UBE4A: variants seen among roughly 807,000 people sequenced by gnomAD.
UBE4A encodes ubiquitin conjugation factor E4 A.
Under a neutral mutation model 117.9 loss-of-function variants are expected in UBE4A, and 48 were observed. The ratio of observed to expected loss-of-function variants is 0.41; its 90% confidence interval spans 0.32 to 0.52. The LOEUF (loss-of-function observed/expected upper bound fraction) is 0.52. UBE4A is among the 20% of genes least tolerant of loss of function. UBE4A has a pLI of 0.33. For missense variants in UBE4A, 1,067 were observed against 1,296.3 expected (o/e 0.82, Z 2.72); for synonymous variants, 407 against 450.0 (o/e 0.90, Z 1.21).
intron 11 of UBE4A, among the ~76,000 whole-genome samples, chr11:118,380,553 G>A (rs1429168110): frequency 6.6e-6 from 1 of 152,090 alleles, no homozygotes; most frequent in Non-Finnish European, 1.5e-5. Flanking sequence ...CTGTACTCCA[G>A]CCTGGGTGAC....
At position 118,389,829 on chromosome 11, in the gene UBE4A, G is replaced by A; in HGVS notation, c.2692G>A (p.Val898Ile). The change falls in exon 17 of 20, where the codon GTC becomes ATC. Residue 898 changes from valine to isoleucine, a missense_variant. By Grantham distance (29) the Val-to-Ile change is conservative. Around this residue, in one of 3 missense-constraint regions of UBE4A, gnomAD observed 1,001 missense variants for 1,184.0 expected, o/e 0.85. Transcript: ENST00000252108. ...LVGPKMGALKVKDFSEFDFKP... is the reference protein window; with the variant it reads ...LVGPKMGALKIKDFSEFDFKP... ...TGGCCCCAAGATGGGTGCCTTAAAA[G>A]TCAAGGACTTCAGCGAATTTGACTT... is the stretch of plus-strand genomic sequence containing the variant. 6.2e-7 allele frequency: 1 copy of A among 1,613,870 alleles called. No individual in the cohort carries two copies. The highest frequency in any genetic ancestry group is 2.2e-5 in the East Asian group (1 of 44,880).
At chr11:118,360,078 A>T (rs979824866) in intron 1 of UBE4A, among the ~76,000 whole-genome samples, 3 of 152,244 alleles carry the variant, frequency 2.0e-5, no homozygotes, top group South Asian at 2.1e-4. Flanking sequence ...TGCCAAGAAG[A>T]TAAGATTAAT....
At chr11:118,366,036 G>T in intron 2 of UBE4A, among the ~76,000 whole-genome samples, 1 of 149,444 alleles carries the variant, frequency 6.7e-6, no homozygotes. Context: ...AGAAGTGTTT[G>T]CATTTTCCCT....
intron 12 of UBE4A, 109 bp downstream of exon 12, chr11:118,381,632 G>A (rs1449337973): frequency 7.0e-7 from 1 of 1,434,190 alleles, no homozygotes; most frequent in Admixed American, 2.3e-5. Flanking sequence ...GCCTTCAGAA[G>A]TTATGGTAAC....
chr11:118,383,588 CAAAAAAAAAA>C (rs11375309), intron 13 of UBE4A, among the ~76,000 whole-genome samples: 4 of 54,222 alleles, frequency 7.4e-5, no homozygotes, highest in Non-Finnish European at 1.1e-4. Flanking sequence ...AAATCCCTCT[CAAAAAAAAAA>C]AAAAAAAAAA....
In UBE4A at chr11:118,390,668, A is replaced by G. The variant is rs148705593; in HGVS notation, c.2780A>G (p.Asn927Ser). 5 of 1,518,348 alleles carry G rather than the reference A, an allele frequency of 3.3e-6. No individual in the cohort carries two copies. The South Asian group carries it at 5.2e-5, about 16-fold the overall frequency. 94.1% of individuals were successfully genotyped at this position (1,518,348 alleles called of 1,614,324 possible). The change falls in exon 18 of 20, where the codon AAT becomes AGT. Residue 927 changes from asparagine (N) to serine (S), a missense_variant. Physicochemically the swap from Asn to Ser is conservative, Grantham distance 46. Around this residue, in one of 3 missense-constraint regions of UBE4A, gnomAD observed 1,001 missense variants for 1,184.0 expected, o/e 0.85. Coordinates refer to ENST00000252108, the MANE Select transcript of UBE4A (RefSeq NM_001204077.2). ...TGCTAATGTTCCAGGGATGAGGAGA[A>G]TTTCTGTGCCACTGTGCCCAAGGAT... Reference protein sequence around the residue: ...TIYLNLGDEENFCATVPKDGR... With the variant: ...TIYLNLGDEESFCATVPKDGR...
Position 118,371,552 on chromosome 11 carries a change from C to A in UBE4A, c.447C>A (p.Asn149Lys). Residue 149 changes from asparagine to lysine, a missense_variant, in exon 5 of 20, where the codon AAC (asparagine) becomes AAA (lysine). Asn to Lys is a moderately conservative substitution (Grantham distance 94). Coordinates refer to ENST00000252108, the MANE Select transcript of UBE4A (RefSeq NM_001204077.2). ...GCTTATTACTTCAAGATCCAGGCAA[C>A]CACTTAATTAACATGACTTCTTCTA... ...FARLLLQDPG[N>K]HLINMTSSTT... is the part of the protein sequence containing the mutation. The A allele has an allele frequency of 1.9e-6, 3 of 1,613,868 alleles. No homozygotes were observed. The highest frequency in any genetic ancestry group is 2.5e-6 in the Non-Finnish European group (3 of 1,179,926).
chr11:118,389,057 G>A (rs1002714189), intron 16 of UBE4A, among the ~76,000 whole-genome samples: 13 of 152,152 alleles, frequency 8.5e-5, no homozygotes, highest in Admixed American at 7.2e-4. Flanking sequence ...TTTGGAAGCC[G>A]AGGCAGGAGG....
Position 118,369,511 on chromosome 11 carries a change from G to C in UBE4A, c.384G>C (p.Trp128Cys). 1 of 1,614,066 alleles carries C rather than the reference G, an allele frequency of 6.2e-7. No individual in the cohort carries two copies. ...EMAVELEDQD[W>C]LDMSNVEQAL... ...CAGTAGAGCTAGAAGATCAAGACTG[G>C]CTTGATATGAGCAATGTTGAGCAGG... Residue 128 changes from tryptophan (W) to cysteine (C), a missense_variant, in exon 4 of 20, where the codon TGG becomes TGC. Physicochemically the swap from Trp to Cys is radical, Grantham distance 215. Transcript: ENST00000252108.
In UBE4A at chr11:118,397,308, T is replaced by C. The variant is rs1810992647; in HGVS notation, c.*868T>C. 6.6e-6 allele frequency: 1 copy of C among 152,196 alleles called. No individual in the cohort carries two copies. 9.4% of individuals were successfully genotyped at this position (152,196 alleles called of 1,614,324 possible). The stretch of plus-strand genomic sequence containing the variant: ...AATACACATACACCCCATGTGCTTT[T>C]TTGTTGGTTTAGTGTAAACTGAGTA... On this transcript the variant is annotated 3_prime_UTR_variant, in exon 20 of 20. Coordinates refer to ENST00000252108, the MANE Select transcript of UBE4A (RefSeq NM_001204077.2).
chr11:118,377,980 G>T (rs1555125677), intron 10 of UBE4A, among the ~76,000 whole-genome samples: 2 of 151,126 alleles, frequency 1.3e-5, no homozygotes, highest in Non-Finnish European at 2.9e-5. Context: ...GGGCGCAGTG[G>T]CTCATGCCTA....
In UBE4A at chr11:118,396,442, T is replaced by TA. The variant is rs373842700; in HGVS notation, c.*3dup. 1.9e-5 allele frequency: 30 copies of TA among 1,612,594 alleles called. No individual in the cohort carries two copies. The African/African-American group carries it at 2.7e-4, about 14-fold the overall frequency. On this transcript the variant is annotated 3_prime_UTR_variant, in exon 20 of 20. Transcript: ENST00000252108. ...CAACAAAAGGAGCAACTTGAATAGA[T>TA]ACTGTGAACTAACCAAACCAAAACC...
At chr11:118,395,425 G>A (rs1333833650) in intron 19 of UBE4A, among the ~76,000 whole-genome samples, 4 of 151,880 alleles carry the variant, frequency 2.6e-5, no homozygotes, top group Admixed American at 2.0e-4. Flanking sequence ...AATTCATAAC[G>A]TTTCTTAAAA....
chr11:118,382,764 A>G lies in UBE4A; in HGVS notation c.2185A>G (p.Ile729Val), dbSNP rs781809517. ...AEALIKVFVD[I>V]EFTGDPHQFE... ...GGCTCTAATCAAGGTTTTTGTGGAC[A>G]TCGAATTTACAGGTAAAGCAGTCAT... The change falls in exon 13 of 20, where the codon ATC becomes GTC. Residue 729 changes from isoleucine (I) to valine (V), a missense_variant. Physicochemically the swap from Ile to Val is conservative, Grantham distance 29. This residue lies in a region of UBE4A where 1,001 missense variants were observed against 1,184.0 expected (regional missense o/e 0.85). Transcript: ENST00000252108. 2.6e-5 allele frequency: 41 copies of G among 1,588,268 alleles called. No homozygotes were observed. Among genetic ancestry groups the G allele is most frequent in the Non-Finnish European group, 3.4e-5 (40 of 1,162,848 alleles).
intron 2 of UBE4A, among the ~76,000 whole-genome samples, chr11:118,366,062 A>G (rs1040970159): frequency 1.3e-5 from 1 of 78,564 alleles, no homozygotes; most frequent in Non-Finnish European, 2.9e-5. Context: ...TTGTTTATTT[A>G]AAAAAAAAAA....
chr11:118,385,005 A>G (rs1948743543), intron 15 of UBE4A, 60 bp downstream of exon 15: 4 of 1,432,892 alleles, frequency 2.8e-6, no homozygotes, highest in Non-Finnish European at 3.8e-6. Context: ...CATCAGCAGT[A>G]CATACATTTT....
intron 4 of UBE4A, 97 bp from the exon 5 acceptor site, chr11:118,371,417 T>C: frequency 7.1e-7 from 1 of 1,404,854 alleles, no homozygotes; most frequent in Non-Finnish European, 9.6e-7. Context: ...AATCTGTGAT[T>C]CTTGCTAATA....
intron 13 of UBE4A, among the ~76,000 whole-genome samples, chr11:118,383,356 G>A (rs1385205206): frequency 6.6e-6 from 1 of 151,976 alleles, no homozygotes; most frequent in Non-Finnish European, 1.5e-5. Flanking sequence ...CGTTTTGGGA[G>A]GCCAAAGTAG....
chr11:118,388,648 C>CA (rs59525448), intron 16 of UBE4A, among the ~76,000 whole-genome samples: 22,076 of 115,080 alleles, frequency 0.19, 2,134 homozygotes, highest in Non-Finnish European at 0.27. Context: ...GACTCTATCT[C>CA]AAAAAAAAAA....
Sources: gnomAD v4.1 joint callset for allele counts (sites outside exome capture counted in the v4.1 genomes callset) on GRCh38, gnomAD v4.1.1 for gene constraint, gnomAD v4.1.1 regional missense constraint, MANE v1.5 for transcripts, NCBI Gene and HGNC (gene_info 2026-07-23, HGNC 2026-07-21) for gene names.